GAPVD1: variants seen among roughly 807,000 people sequenced by gnomAD.
GAPVD1 encodes GTPase activating protein and VPS9 domains 1, also known as GTPase-activating protein and VPS9 domain-containing protein 1.
A neutral mutation model predicts 155.5 loss-of-function variants in GAPVD1; 35 were observed. The observed-to-expected ratio is 0.23, with a 90% confidence interval of 0.17 to 0.30. GAPVD1 has a LOEUF of 0.30. Among genes scored for constraint, GAPVD1 ranks in the 10% least tolerant of loss-of-function variants. The pLI is 1.00. For synonymous variants in GAPVD1, 636 were observed against 619.7 expected, an observed-to-expected ratio of 1.03 and a Z score of -0.39; for missense variants, 1,429 against 1,775.7, an observed-to-expected ratio of 0.80 and a Z score of 3.51.
chr9:125,308,383 A>G (rs1564357360), intron 8 of GAPVD1: 4 of 153,272 alleles, frequency 2.6e-5, no homozygotes, highest in Non-Finnish European at 5.8e-5. Flanking sequence ...CCTCCTTTCT[A>G]CAAAGTTCTA....
chr9:125,345,061 T>C (rs1037106328), intron 19 of GAPVD1, among the ~76,000 whole-genome samples: 3 of 152,164 alleles, frequency 2.0e-5, no homozygotes, highest in Non-Finnish European at 4.4e-5. Context: ...AATCCGTGCA[T>C]ACTGGAGTCC....
chr9:125,288,015 C>A (rs1406431660), intron 2 of GAPVD1: 1 of 152,116 alleles, frequency 6.6e-6, no homozygotes, highest in Non-Finnish European at 1.5e-5. Context: ...GCTGGAATTA[C>A]ATGTGTGAGC....
chr9:125,350,828 T>C lies in GAPVD1; in HGVS notation c.3525T>C (p.Asn1175=), dbSNP rs142934259. 1.3e-4 allele frequency: 215 copies of C among 1,613,946 alleles called. No individual in the cohort carries two copies. The African/African-American group carries it at 2.6e-3, about 20-fold the overall frequency. Reference sequence around the variant, plus strand: ...TGCGCTGTGTGTGCCGTTTTGATAATAGGACTTGTAGGAAACTGCTGGCTT... The same window carrying C: ...TGCGCTGTGTGTGCCGTTTTGATAACAGGACTTGTAGGAAACTGCTGGCTT... The part of the protein sequence containing the change: ...ETMRCVCRFD[N]RTCRKLLASI... The change falls in exon 23 of 28, where the codon AAT becomes AAC. Residue 1175 remains asparagine (N), a synonymous_variant. Transcript: ENST00000297933.
intron 2 of GAPVD1, among the ~76,000 whole-genome samples, chr9:125,284,377 A>G (rs1837294966): frequency 1.3e-5 from 2 of 148,296 alleles, no homozygotes; most frequent in African/African-American, 5.0e-5. Context: ...ATGGGATTTC[A>G]CCATGCTGGC....
At chr9:125,286,787 T>C (rs897940088) in intron 2 of GAPVD1, among the ~76,000 whole-genome samples, 4 of 151,962 alleles carry the variant, frequency 2.6e-5, no homozygotes, top group Non-Finnish European at 5.9e-5. Context: ...TTCAAATTGG[T>C]GGTATCAAAA....
intron 2 of GAPVD1, among the ~76,000 whole-genome samples, chr9:125,289,552 A>T (rs566224474): frequency 1.3e-5 from 2 of 152,258 alleles, no homozygotes; most frequent in Admixed American, 1.3e-4. Flanking sequence ...TGGCCTGAGC[A>T]GTTGGAAGGA....
chr9:125,315,023 G>A (rs1269714811), intron 9 of GAPVD1, among the ~76,000 whole-genome samples: 2 of 152,140 alleles, frequency 1.3e-5, no homozygotes, highest in Non-Finnish European at 2.9e-5. Flanking sequence ...TCCTGACCTC[G>A]TGATCCGCCC....
At chr9:125,349,636 GA>G in intron 21 of GAPVD1, 117 bp downstream of exon 21, 1 of 814,802 alleles carries the variant, frequency 1.2e-6, no homozygotes, top group South Asian at 1.7e-5. Context: ...AGAGAAAAAT[GA>G]AATGCTGTTT....
At chr9:125,333,331 C>T (rs1158065954) in intron 15 of GAPVD1, among the ~76,000 whole-genome samples, 1 of 151,962 alleles carries the variant, frequency 6.6e-6, no homozygotes, top group African/African-American at 2.4e-5. Flanking sequence ...CCACCTGCCT[C>T]GGCCTCCCAA....
At chr9:125,312,914 G>A (rs1447003193) in intron 9 of GAPVD1, among the ~76,000 whole-genome samples, 6 of 152,098 alleles carry the variant, frequency 3.9e-5, no homozygotes, top group Admixed American at 2.6e-4. Flanking sequence ...TCCCAATCCC[G>A]GGTTCAAGCA....
In GAPVD1 at chr9:125,285,056, C is replaced by T. The variant is rs372893978; in HGVS notation, c.-149-10402C>T. Among the ~76,000 whole-genome samples, 18 of 152,268 alleles carry T rather than the reference C, an allele frequency of 1.2e-4. 1 individual carries two copies. In the South Asian group the frequency reaches 3.1e-3, roughly 26 times the overall value. On this transcript the variant is annotated intron_variant, in intron 2 of 27. Transcript: ENST00000297933. Reference sequence around the variant, plus strand: ...CGTTAGAGTAGATATGCTTGCTTATCAGGGGTTGGCAGAGTTTTTCTGTGA... The same window carrying T: ...CGTTAGAGTAGATATGCTTGCTTATTAGGGGTTGGCAGAGTTTTTCTGTGA...
intron 9 of GAPVD1, among the ~76,000 whole-genome samples, chr9:125,316,760 A>G (rs565828675): frequency 9.2e-5 from 14 of 152,154 alleles, no homozygotes; most frequent in Non-Finnish European, 1.9e-4. Context: ...TACACCCAGT[A>G]ATGGGATTGC....
Position 125,298,806 on chromosome 9 carries a change from A to G in GAPVD1, c.-32-84A>G. ...CCTGCCCAAATGTAACTGAATTCTT[A>G]AAGTATTCTCCTGTCCCTTTTGATT... On this transcript the variant is annotated intron_variant, in intron 3 of 27. Transcript: ENST00000297933. 6.5e-6 allele frequency: 4 copies of G among 614,334 alleles called. No individual in the cohort carries two copies. In the South Asian group the frequency reaches 1.0e-4, roughly 15 times the overall value. 38.1% of individuals were successfully genotyped at this position (614,334 alleles called of 1,614,324 possible).
At position 125,326,606 on chromosome 9, in the gene GAPVD1, GTCT is replaced by G. The variant is rs772649891; in HGVS notation, c.2032+18_2032+20del. On this transcript the variant is annotated intron_variant, in intron 12 of 27. Coordinates refer to ENST00000297933, the MANE Select transcript of GAPVD1 (RefSeq NM_001282680.3). ...AAATTGCAGGTAACTGCCATTTAAT[GTCT>G]CTGAAATATCACGGTTTAGTTATTC... The G allele has an allele frequency of 1.2e-5, 19 of 1,578,004 alleles. No homozygotes were observed. In the South Asian group the frequency reaches 2.1e-4, roughly 18 times the overall value.
intron 19 of GAPVD1, among the ~76,000 whole-genome samples, 198 bp downstream of exon 19, chr9:125,342,497 A>G (rs547143036): frequency 7.2e-5 from 11 of 152,324 alleles, no homozygotes; most frequent in African/African-American, 1.4e-4. Context: ...GACTGCCACC[A>G]CCATCATCAT....
At position 125,359,507 on chromosome 9, in the gene GAPVD1, T is replaced by G; in HGVS notation, c.4044+15T>G. 7.8e-7 allele frequency: 1 copy of G among 1,276,702 alleles called. No individual in the cohort carries two copies. The highest frequency in any genetic ancestry group is 1.1e-6 in the Non-Finnish European group (1 of 872,202). 79.1% of individuals were successfully genotyped at this position (1,276,702 alleles called of 1,614,324 possible). A position where few individuals can be genotyped will look rare whatever the true frequency, so the allele number is the denominator to read the frequency against. On this transcript the variant is annotated intron_variant, in intron 26 of 27. Coordinates refer to ENST00000297933, the MANE Select transcript of GAPVD1 (RefSeq NM_001282680.3). The stretch of plus-strand genomic sequence containing the variant: ...AGATACCAGAGGTAATACAGGTTTA[T>G]ATAGCATGGGTAATGTTAACTAAAT...
intron 2 of GAPVD1, among the ~76,000 whole-genome samples, chr9:125,281,131 T>C (rs1249146173): frequency 6.6e-6 from 1 of 152,202 alleles, no homozygotes; most frequent in Non-Finnish European, 1.5e-5. Context: ...CAGATGTTAA[T>C]GGGTTCTGGA....
In GAPVD1 at chr9:125,302,836, T is replaced by C; in HGVS notation, c.1029+10T>C. The C allele has an allele frequency of 6.4e-7, 1 of 1,572,658 alleles. No individual in the cohort carries two copies. The highest frequency in any genetic ancestry group is 1.2e-5 in the South Asian group (1 of 84,130). Reference sequence around the variant, plus strand: ...ATTTAATCTGATGCAGGTATGCTTTTGCTATTATTATTAACGTGGCATTTA... The same window carrying C: ...ATTTAATCTGATGCAGGTATGCTTTCGCTATTATTATTAACGTGGCATTTA... On this transcript the variant is annotated intron_variant, in intron 5 of 27. Coordinates refer to ENST00000297933, the MANE Select transcript of GAPVD1 (RefSeq NM_001282680.3).
chr9:125,335,202 A>G lies in GAPVD1; in HGVS notation c.2429-1816A>G, dbSNP rs199546534. ...CTTTATATACTTCAGCCAAAACAAC[A>G]TTTTCAACACATTGAAGCAGAAGCA... On this transcript the variant is annotated intron_variant, in intron 15 of 27. Transcript: ENST00000297933. 26 of 772,384 alleles carry G rather than the reference A, an allele frequency of 3.4e-5. No homozygotes were observed. In the East Asian group the frequency reaches 6.4e-4, roughly 19 times the overall value. 47.8% of individuals were successfully genotyped at this position (772,384 alleles called of 1,614,324 possible).
Sources: gnomAD v4.1 joint callset for allele counts (sites outside exome capture counted in the v4.1 genomes callset) on GRCh38, gnomAD v4.1.1 for gene constraint, MANE v1.5 for transcripts, NCBI Gene and HGNC (gene_info 2026-07-23, HGNC 2026-07-21) for gene names.